ADCY9: variants seen among roughly 807,000 people sequenced by gnomAD.
ADCY9 encodes the protein adenylate cyclase type 9.
Under a neutral mutation model 101.5 loss-of-function variants are expected in ADCY9, and 50 were observed. The observed-to-expected ratio is 0.49, with a 90% CI of 0.39 to 0.62. The LOEUF is 0.62. ADCY9 is among the 20% of genes least tolerant of loss of function. The probability of loss-of-function intolerance (pLI) is 0.00; values close to 1 mark genes in which losing one functional copy is unlikely to be tolerated. For missense variants in ADCY9, 1,662 were observed against 1,800.4 expected (o/e 0.92, Z 1.39); for synonymous variants, 905 against 769.3 (o/e 1.18, Z -2.92).
intron 2 of ADCY9, among the ~76,000 whole-genome samples, chr16:4,031,303 G>C (rs1001316864): frequency 6.6e-6 from 1 of 151,660 alleles, no homozygotes; most frequent in Non-Finnish European, 1.5e-5. Flanking sequence ...CTGCAATTTA[G>C]TCAGTTAACG....
chr16:3,959,356 T>C (rs1424854497), downstream of ADCY9, among the ~76,000 whole-genome samples: 1 of 100,546 alleles, frequency 9.9e-6, no homozygotes, highest in Non-Finnish European at 2.2e-5. Context: ...AGTGAGACTC[T>C]TATCTCAAAA....
rs373040399 is a variant in ADCY9 at position 3,982,725 on chromosome 16, T to C, written c.2519+507A>G. 4.4e-3 allele frequency: 691 copies of C among 157,232 alleles called. 6 individuals carry two copies. Among genetic ancestry groups the C allele is most frequent in the African/African-American group, 0.015 (620 of 41,668 alleles). 9.7% of individuals were successfully genotyped at this position (157,232 alleles called of 1,614,324 possible). The stretch of plus-strand genomic sequence containing the variant: ...TCTGTGGGTTCTTTCTCTTTCTTGA[T>C]GGTGTTCTTTGTAGCGCAACAGCTT... On this transcript the variant is annotated intron_variant, in intron 7 of 10. Transcript: ENST00000294016.
In ADCY9 at chr16:4,097,612, G is replaced by A. The variant is rs533971207; in HGVS notation, c.1693+16138C>T. ...TCTGTCATCCAGGCTGGAGTGCAGG[G>A]GCGCAATCTCAGCAACCTCCATCTC... On this transcript the variant is annotated intron_variant, in intron 2 of 10. Transcript: ENST00000294016. Among the ~76,000 whole-genome samples the A allele has an allele frequency of 1.2e-4, 17 of 141,714 alleles. No homozygotes were observed. The South Asian group carries it at 3.2e-3, about 26-fold the overall frequency. The allele number at this position is 141,714 out of a possible 152,430, so 93.0% of individuals were successfully genotyped here.
At chr16:3,993,284 C>T (rs1441735982) in intron 4 of ADCY9, 122 bp downstream of exon 4, 48 of 1,484,414 alleles carry the variant, frequency 3.2e-5, no homozygotes, top group East Asian at 4.9e-5. Flanking sequence ...CCCGCGGGTG[C>T]GGAGTGCTGT....
intron 7 of ADCY9, among the ~76,000 whole-genome samples, chr16:3,980,371 C>A (rs1186818275): frequency 6.6e-6 from 1 of 152,162 alleles, no homozygotes; most frequent in African/African-American, 2.4e-5. Flanking sequence ...GTCCAAGGAC[C>A]CCTGGGCCAT....
At chr16:4,062,544 A>T (rs922133396) in intron 2 of ADCY9, among the ~76,000 whole-genome samples, 4 of 152,196 alleles carry the variant, frequency 2.6e-5, no homozygotes, top group Non-Finnish European at 5.9e-5. Flanking sequence ...AGAAAGTTGC[A>T]GTGGCTATAA....
intron 4 of ADCY9, 180 bp downstream of exon 4, chr16:3,993,226 G>C: frequency 8.8e-7 from 1 of 1,138,594 alleles, no homozygotes; most frequent in East Asian, 2.6e-5. Flanking sequence ...GTGGGTTGCT[G>C]CTGACCCTCC....
chr16:4,042,867 A>G (rs1027842106), intron 2 of ADCY9, among the ~76,000 whole-genome samples: 1 of 152,226 alleles, frequency 6.6e-6, no homozygotes. Context: ...TAACTTATCA[A>G]CTGTATGATT....
In ADCY9 at chr16:4,040,525, C is replaced by T. The variant is rs530015679; in HGVS notation, c.1694-32967G>A. On this transcript the variant is annotated intron_variant, in intron 2 of 10. Transcript: ENST00000294016. The stretch of plus-strand genomic sequence containing the variant: ...AAGCTAGAGTGCAGTGGCGCAATCT[C>T]GGCTCACTGCAATCTCCACCTCCTG... 2.3e-3 allele frequency among the ~76,000 whole-genome samples: 343 copies of T among 150,896 alleles called. 1 individual carries two copies. Among genetic ancestry groups the T allele is most frequent in the Non-Finnish European group, 4.1e-3 (276 of 67,890 alleles).
intron 2 of ADCY9, among the ~76,000 whole-genome samples, chr16:4,107,485 A>C (rs1460290933): frequency 7.5e-6 from 1 of 132,652 alleles, no homozygotes; most frequent in East Asian, 2.7e-4. Flanking sequence ...TGGGAGGCAG[A>C]GGTTGCAGTA....
At chr16:3,954,948 T>C (rs1002129173) in intron 5 of ADCY9, among the ~76,000 whole-genome samples, 2 of 152,250 alleles carry the variant, frequency 1.3e-5, no homozygotes, top group African/African-American at 4.8e-5. Context: ...ATGCTAGATT[T>C]TCTCTCAAAG....
chr16:3,988,942 T>G, intron 6 of ADCY9, 52 bp downstream of exon 6: 131 of 1,389,534 alleles, frequency 9.4e-5, no homozygotes, highest in Non-Finnish European at 1.2e-4. Flanking sequence ...AATGACCATG[T>G]GAGAACAACA....
intron 2 of ADCY9, among the ~76,000 whole-genome samples, chr16:4,076,546 T>A (rs1394571269): frequency 6.6e-6 from 1 of 152,188 alleles, no homozygotes; most frequent in Non-Finnish European, 1.5e-5. Flanking sequence ...AAGGTCTAAG[T>A]GGATCTTGTG....
intron 3 of ADCY9, among the ~76,000 whole-genome samples, chr16:3,994,908 A>G (rs975002094): frequency 6.6e-6 from 1 of 152,228 alleles, no homozygotes; most frequent in Non-Finnish European, 1.5e-5. Context: ...CTGAATAATC[A>G]AAGGTACACG....
downstream of ADCY9, among the ~76,000 whole-genome samples, chr16:3,959,053 C>T (rs1349116862): frequency 1.3e-5 from 2 of 151,900 alleles, no homozygotes; most frequent in East Asian, 1.9e-4. Flanking sequence ...TTAGGGTTGA[C>T]GTTAACAGCC....
intron 2 of ADCY9, among the ~76,000 whole-genome samples, chr16:4,068,512 T>G (rs1249237465): frequency 6.6e-6 from 1 of 152,118 alleles, no homozygotes; most frequent in Admixed American, 6.6e-5. Context: ...AGTTGCTTGC[T>G]TTTTTCAATT....
chr16:4,089,404 C>A (rs1380677984), intron 2 of ADCY9, among the ~76,000 whole-genome samples: 1 of 152,092 alleles, frequency 6.6e-6, no homozygotes, highest in Admixed American at 6.6e-5. Context: ...CTTTTTAAGG[C>A]TGAATCGTAT....
At chr16:4,095,200 G>T (rs2387052) in intron 2 of ADCY9, among the ~76,000 whole-genome samples, 14 of 151,726 alleles carry the variant, frequency 9.2e-5, no homozygotes, top group African/African-American at 3.4e-4. Context: ...CAGGGTTTCG[G>T]ACGTTGGCCA....
intron 2 of ADCY9, among the ~76,000 whole-genome samples, chr16:4,021,155 T>C (rs1331097633): frequency 2.6e-5 from 4 of 152,190 alleles, no homozygotes; most frequent in Non-Finnish European, 4.4e-5. Context: ...AGCTCTCTGA[T>C]CTTTCACACC....
Sources: allele counts gnomAD v4.1 joint callset (sites outside exome capture counted in the v4.1 genomes callset), GRCh38; gene constraint gnomAD v4.1.1; transcripts MANE v1.5; gene names NCBI Gene and HGNC (gene_info 2026-07-23, HGNC 2026-07-21).